BCKDHB: variants seen among roughly 807,000 people sequenced by gnomAD.
BCKDHB encodes the protein branched chain keto acid dehydrogenase E1 subunit beta.
Under a neutral mutation model 48.5 loss-of-function variants are expected in BCKDHB, and 41 were observed. The observed-to-expected ratio is 0.85, with a 90% CI of 0.66 to 1.10. The LOEUF is 1.10. Among genes scored for constraint, BCKDHB ranks in the 50% least tolerant of loss-of-function variants. BCKDHB has a pLI of 0.00. For missense variants in BCKDHB, 496 were observed against 494.2 expected (o/e 1.00, Z -0.03); for synonymous variants, 201 against 174.8 (o/e 1.15, Z -1.18).
chr6:80,343,543 A>G lies in BCKDHB; in HGVS notation c.1039-121A>G, dbSNP rs1582600215. ...TTTTTTCATATTACAGTATACTTAA[A>G]TATTTTTAATGTCCTTAGATGCAAT... On this transcript the variant is annotated intron_variant, in intron 9 of 9. Transcript: ENST00000320393. 17 of 1,103,114 alleles carry G rather than the reference A, an allele frequency of 1.5e-5. No individual in the cohort carries two copies. The South Asian group carries it at 2.2e-4, about 14-fold the overall frequency. The allele number at this position is 1,103,114 out of a possible 1,614,324, so 68.3% of individuals were successfully genotyped here. A position where few individuals can be genotyped will look rare whatever the true frequency, so the allele number is the denominator to read the frequency against.
downstream of BCKDHB, among the ~76,000 whole-genome samples, chr6:80,349,337 G>T (rs552315124): frequency 2.6e-5 from 4 of 152,264 alleles, no homozygotes; most frequent in Non-Finnish European, 5.9e-5. Context: ...TTTAGTGAGT[G>T]CCTGTTACGG....
chr6:80,179,382 C>A (rs1314858421), intron 6 of BCKDHB, among the ~76,000 whole-genome samples: 1 of 152,138 alleles, frequency 6.6e-6, no homozygotes, highest in Non-Finnish European at 1.5e-5. Flanking sequence ...AATAATTACA[C>A]TGAACATGTA....
intron 8 of BCKDHB, among the ~76,000 whole-genome samples, chr6:80,221,581 G>A (rs1273345829): frequency 6.6e-6 from 1 of 151,894 alleles, no homozygotes; most frequent in African/African-American, 2.4e-5. Context: ...TATTCTGTAA[G>A]TAAAACCTAT....
chr6:80,114,096 T>C (rs916717435), intron 1 of BCKDHB, among the ~76,000 whole-genome samples: 3 of 152,236 alleles, frequency 2.0e-5, no homozygotes, highest in African/African-American at 7.2e-5. Context: ...CTTTTGTTAC[T>C]TGGGCATGGG....
At chr6:80,399,509 A>G in the BCKDHB span, among the ~76,000 whole-genome samples, 1 of 151,324 alleles carries the variant, frequency 6.6e-6, no homozygotes, top group East Asian at 1.9e-4. Flanking sequence ...TTGCCACAAA[A>G]AATAAACTAC....
chr6:80,169,364 C>G (rs992755592), intron 5 of BCKDHB, among the ~76,000 whole-genome samples: 1 of 152,158 alleles, frequency 6.6e-6, no homozygotes, highest in Non-Finnish European at 1.5e-5. Context: ...TTAAGTCTTT[C>G]TCACTTAACT....
chr6:80,127,483 A>T, intron 1 of BCKDHB, 64 bp from the exon 2 acceptor site: 1 of 1,323,694 alleles, frequency 7.6e-7, no homozygotes, highest in Non-Finnish European at 1.1e-6. Context: ...ATTAACTGTT[A>T]AGAAACTGGT....
intron 9 of BCKDHB, among the ~76,000 whole-genome samples, chr6:80,287,489 T>A (rs894120577): frequency 2.6e-5 from 4 of 151,996 alleles, no homozygotes; most frequent in African/African-American, 9.7e-5. Context: ...TAATGTAATG[T>A]TGATACAGGA....
chr6:80,224,894 G>C (rs1057278920), intron 8 of BCKDHB, among the ~76,000 whole-genome samples: 36 of 152,200 alleles, frequency 2.4e-4, no homozygotes, highest in African/African-American at 8.7e-4. Flanking sequence ...CACCCTGACA[G>C]ATGGTTGCTG....
chr6:80,129,633 G>A (rs1329199762), intron 3 of BCKDHB, among the ~76,000 whole-genome samples: 1 of 152,074 alleles, frequency 6.6e-6, no homozygotes, highest in Admixed American at 6.6e-5. Flanking sequence ...GAGAGAGAGG[G>A]AGAGGGATTT....
rs187053672 is a variant in BCKDHB, at chr6:80,156,296, C to T, written c.344-11382C>T. Among the ~76,000 whole-genome samples the T allele has an allele frequency of 2.2e-4, 34 of 151,748 alleles. 1 individual carries two copies. The East Asian group carries it at 6.0e-3, about 27-fold the overall frequency. ...TAGTGTTGGTGTTTATTATTGTGTT[C>T]ATGGTAATGTGAAGGCCAACTACTT... On this transcript the variant is annotated intron_variant, in intron 3 of 9. Transcript: ENST00000320393.
At chr6:80,385,678 A>G in the BCKDHB span, among the ~76,000 whole-genome samples, 1 of 152,056 alleles carries the variant, frequency 6.6e-6, no homozygotes, top group Non-Finnish European at 1.5e-5. Context: ...CTACACCTCT[A>G]TTTGCTTCTA....
intron 3 of BCKDHB, among the ~76,000 whole-genome samples, chr6:80,142,692 A>T (rs954536046): frequency 5.9e-5 from 9 of 152,010 alleles, no homozygotes; most frequent in African/African-American, 1.9e-4. Flanking sequence ...ATTGAAAAAC[A>T]TTTTGCTTTT....
intron 9 of BCKDHB, among the ~76,000 whole-genome samples, chr6:80,309,458 A>G (rs1376089477): frequency 6.6e-6 from 1 of 152,178 alleles, no homozygotes; most frequent in African/African-American, 2.4e-5. Flanking sequence ...CTACAGTCTC[A>G]TCCTTTCTAT....
At chr6:80,421,112 G>C in the BCKDHB span, among the ~76,000 whole-genome samples, 1 of 152,136 alleles carries the variant, frequency 6.6e-6, no homozygotes, top group Non-Finnish European at 1.5e-5. Context: ...GGGACCTGGT[G>C]GGAGGTGATT....
chr6:80,234,352 T>G (rs1388021868), intron 8 of BCKDHB, among the ~76,000 whole-genome samples: 1 of 152,176 alleles, frequency 6.6e-6, no homozygotes, highest in East Asian at 1.9e-4. Context: ...AGGTAGAGAC[T>G]TAACTTTTTC....
intron 9 of BCKDHB, among the ~76,000 whole-genome samples, chr6:80,329,762 CCTT>C (rs1769226781): frequency 6.6e-6 from 1 of 152,094 alleles, no homozygotes; most frequent in Admixed American, 6.5e-5. Flanking sequence ...TCTGGTTTCT[CCTT>C]CTCAAATGAC....
chr6:80,115,641 C>CGT (rs1554182345), intron 1 of BCKDHB, among the ~76,000 whole-genome samples: 18 of 142,936 alleles, frequency 1.3e-4, no homozygotes, highest in African/African-American at 4.4e-4. Flanking sequence ...GCTGGGGTTT[C>CGT]TTTTTTTTTT....
chr6:80,339,259 C>T (rs1009546344), intron 9 of BCKDHB, among the ~76,000 whole-genome samples: 4 of 152,122 alleles, frequency 2.6e-5, no homozygotes, highest in Non-Finnish European at 5.9e-5. Flanking sequence ...TTGACGTACT[C>T]TTAATTTTTA....
Sources: gnomAD v4.1 joint callset for allele counts (sites outside exome capture counted in the v4.1 genomes callset) on GRCh38, gnomAD v4.1.1 for gene constraint, MANE v1.5 for transcripts, NCBI Gene and HGNC (gene_info 2026-07-23, HGNC 2026-07-21) for gene names.